Variants in CDKL1 observed in about 807,000 individuals in gnomAD.
The protein encoded by CDKL1 is cyclin dependent kinase like 1, also known as cyclin-dependent kinase-like 1.
CDKL1 carries 41 observed loss-of-function variants against 42.0 expected under a neutral mutation model. That is an observed-to-expected ratio of 0.98 (90% CI 0.76 to 1.27). The LOEUF is 1.27. Ranked by LOEUF, CDKL1 falls within the 50% of genes most tolerant of loss-of-function variation. The pLI is 0.00. For synonymous variants in CDKL1, 153 were observed against 158.6 expected (o/e 0.96, Z 0.26); for missense variants, 394 against 428.4 (o/e 0.92, Z 0.71).
intron 2 of CDKL1, among the ~76,000 whole-genome samples, chr14:50,366,885 A>G (rs2034450495): frequency 6.6e-6 from 1 of 152,162 alleles, no homozygotes; most frequent in Non-Finnish European, 1.5e-5. Flanking sequence ...GACTGGGAGA[A>G]AGAAGTCACT....
At chr14:50,346,299 T>G (rs2356245) in intron 3 of CDKL1, among the ~76,000 whole-genome samples, 138,371 of 152,116 alleles carry the variant, frequency 0.91, 63,181 homozygotes, top group African/African-American at 0.98. Flanking sequence ...CTGGACCAGG[T>G]CTATGTCCCT....
At chr14:50,334,757 C>G (rs1245016449) in intron 7 of CDKL1, 136 bp from the exon 8 acceptor site, 1 of 639,446 alleles carries the variant, frequency 1.6e-6, no homozygotes, top group South Asian at 1.9e-5. Flanking sequence ...AACCTCCTGC[C>G]CAAAACAGTC....
chr14:50,338,560 T>C (rs548854153), intron 7 of CDKL1, among the ~76,000 whole-genome samples: 1 of 152,140 alleles, frequency 6.6e-6, no homozygotes, highest in Non-Finnish European at 1.5e-5. Context: ...ATTTTTCCCA[T>C]GGTCTGGAGA....
chr14:50,389,811 C>T (rs943623744), intron 2 of CDKL1, among the ~76,000 whole-genome samples: 26 of 152,028 alleles, frequency 1.7e-4, no homozygotes, highest in African/African-American at 5.1e-4. Context: ...TAAATTCTGA[C>T]GACCAGTCAT....
At chr14:50,388,603 C>T (rs2035157110) in intron 2 of CDKL1, among the ~76,000 whole-genome samples, 1 of 152,224 alleles carries the variant, frequency 6.6e-6, no homozygotes, top group Non-Finnish European at 1.5e-5. Context: ...CTCCCTTTGA[C>T]CCTCTACTTT....
At chr14:50,362,450 A>T (rs150162145) in intron 2 of CDKL1, 2,248 of 213,204 alleles carry the variant, frequency 0.011, 26 homozygotes, top group Middle Eastern at 0.023. Flanking sequence ...AGGTTTGTAA[A>T]CACACCAATC....
chr14:50,382,226 G>A (rs979656094), intron 2 of CDKL1, among the ~76,000 whole-genome samples: 2 of 152,188 alleles, frequency 1.3e-5, no homozygotes, highest in African/African-American at 4.8e-5. Context: ...GCCGAGGCAG[G>A]CGGATCACGA....
intron 2 of CDKL1, among the ~76,000 whole-genome samples, chr14:50,371,050 A>G (rs2034577375): frequency 6.6e-6 from 1 of 152,220 alleles, no homozygotes; most frequent in Non-Finnish European, 1.5e-5. Flanking sequence ...AATGTTCCCC[A>G]ATTTCATCCA....
intron 2 of CDKL1, among the ~76,000 whole-genome samples, chr14:50,380,802 C>CTTTGTTTTTTTTTGTT (rs368170212): frequency 2.1e-4 from 28 of 134,636 alleles, no homozygotes; most frequent in Admixed American, 7.0e-4. Context: ...CTGTGACTTC[C>CTTTGTTTTTTTTTGTT]TTTTTTTTTT....
intron 2 of CDKL1, among the ~76,000 whole-genome samples, chr14:50,376,054 A>C (rs2034723340): frequency 6.6e-6 from 1 of 152,182 alleles, no homozygotes; most frequent in South Asian, 2.1e-4. Flanking sequence ...AATGATTACT[A>C]AATGTAATGT....
chr14:50,394,606 C>T (rs1002879875), intron 2 of CDKL1, among the ~76,000 whole-genome samples: 11 of 152,214 alleles, frequency 7.2e-5, no homozygotes, highest in African/African-American at 2.7e-4. Flanking sequence ...CATCAAGTAG[C>T]TCTTCCCTTG....
At chr14:50,344,955 G>A in intron 4 of CDKL1, 31 bp downstream of exon 4, 1 of 1,577,138 alleles carries the variant, frequency 6.3e-7, no homozygotes, top group South Asian at 1.1e-5. Context: ...GGGGAGCCTT[G>A]TTGCTTTTCA....
At chr14:50,381,331 T>C (rs1444165651) in intron 2 of CDKL1, among the ~76,000 whole-genome samples, 1 of 152,208 alleles carries the variant, frequency 6.6e-6, no homozygotes, top group Non-Finnish European at 1.5e-5. Context: ...ATAATAGAGA[T>C]ATACTGACCA....
intron 2 of CDKL1, chr14:50,378,488 A>G (rs2034801179): frequency 7.5e-7 from 1 of 1,324,786 alleles, no homozygotes. Context: ...ATAACTTGGG[A>G]CTTAATTCTT....
At position 50,338,934 on chromosome 14, in the gene CDKL1, A is replaced by G. The variant is rs1483544051; in HGVS notation, c.738+13T>C. 3 of 1,566,710 alleles carry G rather than the reference A, an allele frequency of 1.9e-6. No individual in the cohort carries two copies. Among genetic ancestry groups the G allele is most frequent in the Non-Finnish European group, 2.6e-6 (3 of 1,137,056 alleles). On this transcript the variant is annotated intron_variant, in intron 7 of 9. Coordinates refer to ENST00000395834, the MANE Select transcript of CDKL1 (RefSeq NM_004196.7). ...CCTGGCCTACAGAGCTCTCTCCAAA[A>G]TGGGTAACTCACCATATCTTCAGGG...
intron 2 of CDKL1, among the ~76,000 whole-genome samples, chr14:50,375,464 T>C (rs2034703031): frequency 6.6e-6 from 1 of 152,152 alleles, no homozygotes; most frequent in South Asian, 2.1e-4. Context: ...CCAAACAGCA[T>C]AGAATAGAAT....
intron 4 of CDKL1, chr14:50,342,490 G>T: frequency 9.2e-7 from 1 of 1,085,480 alleles, no homozygotes; most frequent in Non-Finnish European, 1.2e-6. Context: ...GAAAAATACA[G>T]GACACCCAGT....
intron 2 of CDKL1, among the ~76,000 whole-genome samples, chr14:50,386,435 A>T (rs1178175933): frequency 6.6e-6 from 1 of 152,158 alleles, no homozygotes; most frequent in Non-Finnish European, 1.5e-5. Flanking sequence ...CTCTGTCGCT[A>T]AAAAGAATGA....
intron 9 of CDKL1, 166 bp from the exon 10 acceptor site, chr14:50,330,347 C>T: frequency 1.3e-6 from 1 of 789,024 alleles, no homozygotes; most frequent in Non-Finnish European, 1.8e-6. Context: ...TTCGTCTTGG[C>T]TTTTCCTTTT....
Sources: allele counts gnomAD v4.1 joint callset (sites outside exome capture counted in the v4.1 genomes callset), GRCh38; gene constraint gnomAD v4.1.1; transcripts MANE v1.5; gene names NCBI Gene and HGNC (gene_info 2026-07-23, HGNC 2026-07-21).